Variants in LRRC4C observed in about 807,000 individuals in gnomAD.
The protein encoded by LRRC4C is leucine rich repeat containing 4C, also known as leucine-rich repeat-containing protein 4C.
A neutral mutation model predicts 33.6 loss-of-function variants in LRRC4C; 5 were observed. That is an observed-to-expected ratio of 0.15 (90% CI 0.08 to 0.31). The LOEUF is 0.31. LRRC4C is among the 10% of genes least tolerant of loss of function. The pLI, the probability that LRRC4C is intolerant of heterozygous loss-of-function variation, is 1.00. For synonymous variants in LRRC4C, 329 were observed against 302.0 expected (o/e 1.09, Z -0.93); for missense variants, 560 against 796.7 (o/e 0.70, Z 3.58).
chr11:40,548,276 T>G (rs951056969), intron 3 of LRRC4C, among the ~76,000 whole-genome samples: 29 of 152,202 alleles, frequency 1.9e-4, no homozygotes, highest in African/African-American at 7.0e-4. Flanking sequence ...TGTGACTTTA[T>G]TTAGAGAGAG....
At chr11:40,778,582 G>A (rs1407214691) in intron 2 of LRRC4C, among the ~76,000 whole-genome samples, 1 of 152,066 alleles carries the variant, frequency 6.6e-6, no homozygotes, top group Admixed American at 6.6e-5. Flanking sequence ...AGTGAGCTAG[G>A]GCAAGCAAGA....
At chr11:41,143,095 G>A (rs908763277) in intron 1 of LRRC4C, among the ~76,000 whole-genome samples, 4 of 151,852 alleles carry the variant, frequency 2.6e-5, no homozygotes, top group Non-Finnish European at 5.9e-5. Flanking sequence ...AAAACTCTAC[G>A]ATAAAGAAAT....
intron 1 of LRRC4C, among the ~76,000 whole-genome samples, chr11:41,311,332 C>T (rs1051432987): frequency 2.0e-5 from 3 of 151,862 alleles, no homozygotes; most frequent in Admixed American, 6.6e-5. Flanking sequence ...ATGTCACACT[C>T]GTAGCAGAAA....
At chr11:41,343,214 A>G (rs1170925413) in intron 1 of LRRC4C, among the ~76,000 whole-genome samples, 1 of 152,194 alleles carries the variant, frequency 6.6e-6, no homozygotes, top group Non-Finnish European at 1.5e-5. Context: ...GGGGACCACA[A>G]TTCAACCCAC....
intron 3 of LRRC4C, among the ~76,000 whole-genome samples, chr11:40,467,743 C>G (rs1952720946): frequency 6.6e-6 from 1 of 152,178 alleles, no homozygotes; most frequent in African/African-American, 2.4e-5. Flanking sequence ...AACTGCCTAA[C>G]TGTGGCAAGA....
intron 1 of LRRC4C, among the ~76,000 whole-genome samples, chr11:41,096,898 T>G (rs1940843389): frequency 6.6e-6 from 1 of 152,180 alleles, no homozygotes; most frequent in Non-Finnish European, 1.5e-5. Flanking sequence ...TCACCTTGGC[T>G]GCAGCAAAAA....
chr11:40,852,808 C>CA (rs1953576836), intron 2 of LRRC4C, among the ~76,000 whole-genome samples: 1 of 152,046 alleles, frequency 6.6e-6, no homozygotes, highest in Non-Finnish European at 1.5e-5. Flanking sequence ...ATAATGAAGT[C>CA]AAAATGGAAA....
intron 3 of LRRC4C, among the ~76,000 whole-genome samples, chr11:40,405,769 G>T (rs1434682839): frequency 6.9e-6 from 1 of 145,720 alleles, no homozygotes; most frequent in South Asian, 2.5e-4. Context: ...ATTGTGTGTT[G>T]TCCACTTCCT....
chr11:41,052,108 G>A (rs1858273425), intron 1 of LRRC4C, among the ~76,000 whole-genome samples: 1 of 152,068 alleles, frequency 6.6e-6, no homozygotes, highest in Admixed American at 6.6e-5. Flanking sequence ...CATAATACCT[G>A]AGCACCTACT....
At chr11:40,504,770 C>A (rs926757457) in intron 3 of LRRC4C, among the ~76,000 whole-genome samples, 4 of 152,188 alleles carry the variant, frequency 2.6e-5, no homozygotes, top group Admixed American at 6.5e-5. Context: ...CATTTCTCAT[C>A]AACATTTTAT....
At chr11:40,510,471 ATATAAC>A (rs1955259556) in intron 3 of LRRC4C, among the ~76,000 whole-genome samples, 1 of 152,140 alleles carries the variant, frequency 6.6e-6, no homozygotes, top group Non-Finnish European at 1.5e-5. Context: ...TTGTGACAGG[ATATAAC>A]ATCTAAGTAC....
intron 1 of LRRC4C, among the ~76,000 whole-genome samples, chr11:41,133,724 C>A (rs547333382): frequency 5.3e-5 from 8 of 152,110 alleles, no homozygotes; most frequent in Non-Finnish European, 1.0e-4. Context: ...TAAGGCCATG[C>A]AAAGCAAGAA....
rs1554950309 is a variant in LRRC4C at position 40,127,283 on chromosome 11, C to CA, written c.-42-10950dup. Among the ~76,000 whole-genome samples the CA allele has an allele frequency of 2.2e-3, 315 of 141,022 alleles. 1 individual carries two copies. The highest frequency in any genetic ancestry group is 0.011 in the East Asian group (51 of 4,854). 92.5% of individuals were successfully genotyped at this position (141,022 alleles called of 152,430 possible). A position where few individuals can be genotyped will look rare whatever the true frequency, so the allele number is the denominator to read the frequency against. ...GAACTAGACTCCATCTCAAAAAAAG[C>CA]AAAAAAAAAAATATAGAGATTTGGA... On this transcript the variant is annotated intron_variant, in intron 6 of 6. Transcript: ENST00000528697.
At chr11:40,998,980 A>G (rs1176618690) in intron 1 of LRRC4C, among the ~76,000 whole-genome samples, 3 of 152,126 alleles carry the variant, frequency 2.0e-5, no homozygotes, top group Non-Finnish European at 4.4e-5. Flanking sequence ...GACATGAAGA[A>G]TAAATGTGGT....
intron 3 of LRRC4C, among the ~76,000 whole-genome samples, chr11:40,331,058 G>A: frequency 6.6e-6 from 1 of 152,096 alleles, no homozygotes; most frequent in Non-Finnish European, 1.5e-5. Context: ...TCATATATGA[G>A]TGAGAACATG....
chr11:41,347,327 G>A (rs1951836150), intron 1 of LRRC4C, among the ~76,000 whole-genome samples: 1 of 152,156 alleles, frequency 6.6e-6, no homozygotes, highest in Non-Finnish European at 1.5e-5. Flanking sequence ...CATTTGCTAA[G>A]TTAATACAGG....
At chr11:41,314,265 A>G (rs1393248106) in intron 1 of LRRC4C, among the ~76,000 whole-genome samples, 2 of 152,190 alleles carry the variant, frequency 1.3e-5, no homozygotes, top group Non-Finnish European at 2.9e-5. Context: ...GCCTAAAGTT[A>G]AGTTTCATTG....
chr11:41,296,598 A>G (rs1431281986), intron 1 of LRRC4C, among the ~76,000 whole-genome samples: 4 of 152,102 alleles, frequency 2.6e-5, no homozygotes, highest in Non-Finnish European at 4.4e-5. Context: ...TACAGGCATG[A>G]GTGAATTGGG....
At chr11:40,883,830 A>C (rs1436159132) in intron 2 of LRRC4C, among the ~76,000 whole-genome samples, 1 of 152,026 alleles carries the variant, frequency 6.6e-6, no homozygotes, top group African/African-American at 2.4e-5. Flanking sequence ...TGACGGATTT[A>C]AAAAACTTAC....
Sources: gnomAD v4.1 joint callset for allele counts (sites outside exome capture counted in the v4.1 genomes callset) on GRCh38, gnomAD v4.1.1 for gene constraint, MANE v1.5 for transcripts, NCBI Gene and HGNC (gene_info 2026-07-23, HGNC 2026-07-21) for gene names.